The following FER1L5 variants were observed in gnomAD, a reference collection of about 807,000 sequenced individuals.
FER1L5 encodes fer-1-like protein 5.
In FER1L5, 187 loss-of-function variants were observed where a neutral mutation model predicts 279.9. The ratio of observed to expected loss-of-function variants is 0.67; its 90% CI spans 0.59 to 0.75. The LOEUF (loss-of-function observed/expected upper bound fraction) is 0.75, where lower values mean the gene tolerates loss of function less well. FER1L5 is among the 30% of genes least tolerant of loss of function. FER1L5 has a pLI of 0.00. For missense variants in FER1L5, 2,091 were observed against 2,594.4 expected (o/e 0.81, Z 4.21); for synonymous variants, 921 against 989.7 (o/e 0.93, Z 1.30).
intron 19 of FER1L5, among the ~76,000 whole-genome samples, chr2:96,676,867 A>G (rs910030498): frequency 1.3e-5 from 2 of 151,580 alleles, no homozygotes; most frequent in African/African-American, 4.8e-5. Flanking sequence ...CTTTTTTTAA[A>G]TATTTTTGGG....
intron 19 of FER1L5, among the ~76,000 whole-genome samples, chr2:96,678,948 A>C (rs1289361697): frequency 6.6e-6 from 1 of 152,178 alleles, no homozygotes. Context: ...TTGAAGTGCC[A>C]ACATTTTTAA....
intron 45 of FER1L5, among the ~76,000 whole-genome samples, chr2:96,701,340 C>G (rs1470632300): frequency 6.6e-6 from 1 of 152,124 alleles, no homozygotes; most frequent in African/African-American, 2.4e-5. Context: ...TCCCATTAAA[C>G]CTGTTTTCTC....
chr2:96,695,444 G>A, intron 34 of FER1L5, 65 bp from the exon 35 acceptor site: 1 of 1,504,482 alleles, frequency 6.6e-7, no homozygotes, highest in Non-Finnish European at 8.8e-7. Context: ...CCCCTTCTCT[G>A]GCCAGGACCC....
rs1432552077 is a variant in FER1L5, at chr2:96,689,130, G to C, written c.2362-83G>C. The C allele has an allele frequency of 6.9e-7, 1 of 1,454,974 alleles. No individual in the cohort carries two copies. Among genetic ancestry groups the C allele is most frequent in the Non-Finnish European group, 9.1e-7 (1 of 1,094,616 alleles). The allele number at this position is 1,454,974 out of a possible 1,614,324, so 90.1% of individuals were successfully genotyped here. A position where few individuals can be genotyped will look rare whatever the true frequency, so the allele number is the denominator to read the frequency against. On this transcript the variant is annotated intron_variant, in intron 24 of 52. Coordinates refer to ENST00000624922, the MANE Select transcript of FER1L5 (RefSeq NM_001293083.2). The surrounding 1 kb of genome is among the most constrained non-coding windows in gnomAD (Gnocchi z 4.6). ...ATTTTTAGGATGCCCCTGCAGCCCA[G>C]AGTCAGGGGGCCCAGGGGAGGCCCA...
intron 19 of FER1L5, among the ~76,000 whole-genome samples, chr2:96,675,589 G>A (rs2076483433): frequency 6.6e-6 from 1 of 151,988 alleles, no homozygotes; most frequent in Admixed American, 6.6e-5. Flanking sequence ...ACCATGCCCG[G>A]CTAATTTTTG....
At chr2:96,673,026 A>G in intron 18 of FER1L5, 51 bp from the exon 19 acceptor site, 1 of 1,523,436 alleles carries the variant, frequency 6.6e-7, no homozygotes, top group Non-Finnish European at 8.8e-7. Context: ...TGTCAATATA[A>G]CCCTTGGCTT....
chr2:96,698,281 G>C lies in FER1L5; in HGVS notation c.4356+125G>C. ...TGGAGCAGGGCTTGAGAACGTTCTG[G>C]GAGTGGAGGAGCAGAGATTCGCCTC... On this transcript the variant is annotated intron_variant, in intron 40 of 52. Transcript: ENST00000624922. The surrounding 1 kb of genome is among the most constrained non-coding windows in gnomAD (Gnocchi z 5.5). The C allele has an allele frequency of 7.3e-7, 1 of 1,364,636 alleles. No individual in the cohort carries two copies. The highest frequency in any genetic ancestry group is 9.8e-7 in the Non-Finnish European group (1 of 1,024,310). The allele number at this position is 1,364,636 out of a possible 1,614,324, so 84.5% of individuals were successfully genotyped here. A position where few individuals can be genotyped will look rare whatever the true frequency, so the allele number is the denominator to read the frequency against.
chr2:96,674,380 G>A lies in FER1L5; in HGVS notation c.1669+1126G>A, dbSNP rs539757601. ...TGGGACTACAGGCACATGCCACCAC[G>A]CCTGGCTAATGTTTTGTATTTTTAG... On this transcript the variant is annotated intron_variant, in intron 19 of 52. Coordinates refer to ENST00000624922, the MANE Select transcript of FER1L5 (RefSeq NM_001293083.2). Among the ~76,000 whole-genome samples, 224 of 152,158 alleles carry A rather than the reference G, an allele frequency of 1.5e-3. 2 individuals are homozygous for A. The highest frequency in any genetic ancestry group is 3.4e-3 in the Middle Eastern group (1 of 294).
intron 4 of FER1L5, 56 bp from the exon 5 acceptor site, chr2:96,649,566 TG>T: frequency 6.6e-7 from 1 of 1,523,764 alleles, no homozygotes; most frequent in Non-Finnish European, 8.9e-7. Flanking sequence ...AGGGCTTGGG[TG>T]CTGTGTCCAA....
In FER1L5 at chr2:96,704,285, T is replaced by G. The variant is rs781262793; in HGVS notation, c.5872T>G (p.Tyr1958Asp). 2 of 1,613,932 alleles carry G rather than the reference T, an allele frequency of 1.2e-6. No individual in the cohort carries two copies. Among genetic ancestry groups the G allele is most frequent in the African/African-American group, 2.7e-5 (2 of 74,938 alleles). Reference protein sequence around the residue: ...QNFCYIFWKRYRFKLIAFMVI... With the variant: ...QNFCYIFWKRDRFKLIAFMVI... The stretch of plus-strand genomic sequence containing the variant: ...CTTCTGCTATATTTTCTGGAAACGC[T>G]ATCGCTTCAAACTCATAGCCTTTAT... Residue 1958 changes from tyrosine (Y) to aspartate (D), a missense_variant, in exon 52 of 53, where the codon TAT (tyrosine) becomes GAT (aspartate). Transcript: ENST00000624922.
Position 96,703,005 on chromosome 2 carries a change from T to C in FER1L5, c.5425T>C (p.Ser1809Pro), listed in dbSNP as rs763548410. Residue 1809 changes from serine (S) to proline (P), a missense_variant, in exon 49 of 53, where the codon TCC (serine) becomes CCC (proline). Transcript: ENST00000624922. ...KDYIWSLDAT[S>P]MKFPARLIIQ... ...TTACATATGGAGCCTGGATGCCACG[T>C]CCATGAAGTTCCCAGCCCGACTTAT... 2.5e-6 allele frequency: 4 copies of C among 1,613,172 alleles called. No homozygotes were observed. The highest frequency in any genetic ancestry group is 3.4e-6 in the Non-Finnish European group (4 of 1,179,590).
At chr2:96,646,633 C>T (rs962257361) in intron 2 of FER1L5, among the ~76,000 whole-genome samples, 180 bp downstream of exon 2, 1 of 152,146 alleles carries the variant, frequency 6.6e-6, no homozygotes. Flanking sequence ...GCTGTGAAGG[C>T]CACACCTGCC....
At chr2:96,682,001 G>A (rs902868355) in intron 19 of FER1L5, among the ~76,000 whole-genome samples, 2 of 151,932 alleles carry the variant, frequency 1.3e-5, no homozygotes, top group Non-Finnish European at 2.9e-5. Context: ...GCTCAGCCTG[G>A]TCTTGAACTC....
At position 96,704,264 on chromosome 2, in the gene FER1L5, T is replaced by G. The variant is rs926851931; in HGVS notation, c.5851T>G (p.Cys1951Gly). The G allele has an allele frequency of 1.9e-6, 3 of 1,613,940 alleles. No individual in the cohort carries two copies. The African/African-American group carries it at 4.0e-5, about 22-fold the overall frequency. The change falls in exon 52 of 53, where the codon TGC becomes GGC. Residue 1951 changes from cysteine (C) to glycine (G), a missense_variant. Cys to Gly is a radical substitution (Grantham distance 159). Coordinates refer to ENST00000624922, the MANE Select transcript of FER1L5 (RefSeq NM_001293083.2). ...GCTGCGGTCACCAGTTCAAAACTTC[T>G]GCTATATTTTCTGGAAACGCTATCG... is the stretch of plus-strand genomic sequence containing the variant. ...TWLRSPVQNF[C>G]YIFWKRYRFK... is the part of the protein sequence containing the mutation.
At chr2:96,700,793 C>T (rs1160038192) in intron 45 of FER1L5, among the ~76,000 whole-genome samples, 1 of 152,122 alleles carries the variant, frequency 6.6e-6, no homozygotes, top group East Asian at 1.9e-4. Flanking sequence ...GGGAAGGTGG[C>T]GCTCAGGTCA....
rs141440547 is a variant in FER1L5 at position 96,692,652 on chromosome 2, A to C, written c.3292+471A>C. Among the ~76,000 whole-genome samples the C allele has an allele frequency of 2.4e-3, 368 of 152,334 alleles. 2 individuals are homozygous for C. The highest frequency in any genetic ancestry group is 8.5e-3 in the African/African-American group (352 of 41,580). ...AACCATGTATCACTCGTGTTTGGAC[A>C]GAGGCGGAGGGGCCTGTGGGGAGGG... On this transcript the variant is annotated intron_variant, in intron 31 of 52. Transcript: ENST00000624922.
chr2:96,691,678 C>T lies in FER1L5; in HGVS notation c.3075+66C>T. On this transcript the variant is annotated intron_variant, in intron 29 of 52. Coordinates refer to ENST00000624922, the MANE Select transcript of FER1L5 (RefSeq NM_001293083.2). The surrounding 1 kb of genome is among the most constrained non-coding windows in gnomAD (Gnocchi z 6.0). ...ACCTCCCAGAGAAGCCAGGGCCTGGCCTGGCTGGGGCGCTGACTGCGGAGG... is the reference window on the plus strand; with the variant it reads ...ACCTCCCAGAGAAGCCAGGGCCTGGTCTGGCTGGGGCGCTGACTGCGGAGG... 6.6e-7 allele frequency: 1 copy of T among 1,525,390 alleles called. No individual in the cohort carries two copies. Among genetic ancestry groups the T allele is most frequent in the Non-Finnish European group, 8.8e-7 (1 of 1,133,240 alleles). 94.5% of individuals were successfully genotyped at this position (1,525,390 alleles called of 1,614,324 possible). A position where few individuals can be genotyped will look rare whatever the true frequency, so the allele number is the denominator to read the frequency against.
intron 37 of FER1L5, among the ~76,000 whole-genome samples, chr2:96,696,378 C>T (rs1194609584): frequency 7.2e-5 from 11 of 151,968 alleles, no homozygotes; most frequent in South Asian, 4.2e-4. Flanking sequence ...CTGCAACCTC[C>T]GCCTCCCGGG....
chr2:96,699,363 G>A (rs1244280696), intron 42 of FER1L5, among the ~76,000 whole-genome samples, 187 bp from the exon 43 acceptor site: 2 of 152,122 alleles, frequency 1.3e-5, no homozygotes, highest in East Asian at 3.9e-4. Flanking sequence ...CCCACACCAG[G>A]CCTATCCAAA....
Sources: allele counts gnomAD v4.1 joint callset (sites outside exome capture counted in the v4.1 genomes callset), GRCh38; gene constraint gnomAD v4.1.1; non-coding constraint Gnocchi (gnomAD v3.1); transcripts MANE v1.5; gene names NCBI Gene and HGNC (gene_info 2026-07-23, HGNC 2026-07-21).